SPAG16: variants seen among roughly 807,000 people sequenced by gnomAD.
SPAG16 encodes sperm associated antigen 16, also known as sperm-associated antigen 16 protein.
SPAG16 carries 86 observed loss-of-function variants against 80.4 expected under a neutral mutation model. The ratio of observed to expected loss-of-function variants is 1.07; its 90% confidence interval spans 0.90 to 1.28. The LOEUF is 1.28. Ranked by LOEUF, SPAG16 falls within the 50% of genes most tolerant of loss-of-function variation. The pLI, the probability that SPAG16 is intolerant of heterozygous loss-of-function variation, is 0.00. For synonymous variants in SPAG16, 294 were observed against 265.9 expected, an observed-to-expected ratio of 1.11 and a Z score of -1.03; for missense variants, 870 against 765.3, an observed-to-expected ratio of 1.14 and a Z score of -1.61.
chr2:214,335,251 C>T (rs1317231385), intron 15 of SPAG16, among the ~76,000 whole-genome samples: 2 of 152,024 alleles, frequency 1.3e-5, no homozygotes, highest in Admixed American at 1.3e-4. Context: ...AGTGATAGAG[C>T]CTAGTTGTAG....
chr2:214,348,788 G>C (rs959642952), intron 15 of SPAG16, among the ~76,000 whole-genome samples: 3 of 152,134 alleles, frequency 2.0e-5, no homozygotes, highest in African/African-American at 7.2e-5. Flanking sequence ...ACCGCACCCT[G>C]TCCAAATTGC....
At chr2:213,785,963 C>G (rs1331854120) in intron 10 of SPAG16, among the ~76,000 whole-genome samples, 2 of 151,338 alleles carry the variant, frequency 1.3e-5, no homozygotes, top group East Asian at 3.9e-4. Flanking sequence ...GCCGAGATCA[C>G]ACCATTGCAC....
intron 10 of SPAG16, among the ~76,000 whole-genome samples, chr2:213,622,964 G>A (rs767338846): frequency 1.2e-4 from 18 of 152,164 alleles, no homozygotes; most frequent in Non-Finnish European, 1.2e-4. Context: ...TGGAGTGTGT[G>A]TGAAGAGTAA....
At chr2:214,106,132 A>G (rs1679734035) in intron 13 of SPAG16, among the ~76,000 whole-genome samples, 1 of 152,186 alleles carries the variant, frequency 6.6e-6, no homozygotes, top group Non-Finnish European at 1.5e-5. Context: ...TTTCATTAAT[A>G]CAAAAATATT....
chr2:214,201,317 T>C (rs539872546), intron 15 of SPAG16, among the ~76,000 whole-genome samples: 1 of 152,340 alleles, frequency 6.6e-6, no homozygotes, highest in East Asian at 1.9e-4. Context: ...ATAAACATTT[T>C]AATTTACTTG....
At chr2:213,565,993 T>G (rs894792394) in intron 10 of SPAG16, among the ~76,000 whole-genome samples, 14 of 152,240 alleles carry the variant, frequency 9.2e-5, no homozygotes, top group African/African-American at 2.9e-4. Context: ...CAGGAGAGGA[T>G]TCATTAGCCC....
chr2:213,819,545 GA>G (rs2072796455), intron 10 of SPAG16, among the ~76,000 whole-genome samples: 1 of 151,960 alleles, frequency 6.6e-6, no homozygotes, highest in Non-Finnish European at 1.5e-5. Context: ...CACATTCTTT[GA>G]AAACTTTTTT....
At chr2:214,048,943 C>G (rs2049488711) in intron 13 of SPAG16, among the ~76,000 whole-genome samples, 1 of 141,254 alleles carries the variant, frequency 7.1e-6, no homozygotes. Flanking sequence ...TTCCTTTCTT[C>G]CTTCTCTCCT....
intron 9 of SPAG16, among the ~76,000 whole-genome samples, chr2:213,440,936 A>G (rs917575786): frequency 2.0e-5 from 3 of 152,230 alleles, no homozygotes; most frequent in Non-Finnish European, 2.9e-5. Flanking sequence ...ATCAAATGAC[A>G]CAACTAAGAG....
chr2:214,054,383 CAGAG>C (rs1322622314), intron 13 of SPAG16, among the ~76,000 whole-genome samples: 4 of 152,162 alleles, frequency 2.6e-5, no homozygotes, highest in South Asian at 2.1e-4. Context: ...ATTAAAATCT[CAGAG>C]AGCGTTCATA....
chr2:213,429,623 A>G (rs1034376420), intron 9 of SPAG16, among the ~76,000 whole-genome samples: 4 of 152,174 alleles, frequency 2.6e-5, no homozygotes, highest in Non-Finnish European at 5.9e-5. Context: ...TGCTACCACC[A>G]TCTTCCATGA....
rs1242427208 is a variant in SPAG16 at position 214,046,954 on chromosome 2, AATAAT to A, written c.1527+32882_1527+32886del. On this transcript the variant is annotated intron_variant, in intron 13 of 15. Transcript: ENST00000331683. ...TCCCATTTACATTAGGTACAAATAAAATAATATAACTAGGAATTAACTAAAAAAGT... is the reference window on the plus strand; with the variant it reads ...TCCCATTTACATTAGGTACAAATAAAATAACTAGGAATTAACTAAAAAAGT... Among the ~76,000 whole-genome samples the A allele has an allele frequency of 3.9e-5, 6 of 152,096 alleles. No individual in the cohort carries two copies. The South Asian group carries it at 8.3e-4, about 21-fold the overall frequency.
chr2:214,234,577 C>T (rs1485172357), intron 15 of SPAG16, among the ~76,000 whole-genome samples: 1 of 152,082 alleles, frequency 6.6e-6, no homozygotes, highest in African/African-American at 2.4e-5. Flanking sequence ...TTAATAATAG[C>T]CATTCTGACT....
At chr2:213,941,587 G>A (rs2079201239) in intron 12 of SPAG16, among the ~76,000 whole-genome samples, 1 of 151,948 alleles carries the variant, frequency 6.6e-6, no homozygotes, top group Non-Finnish European at 1.5e-5. Flanking sequence ...GAACATACTG[G>A]GAAAGTAGTA....
At chr2:213,434,388 T>C (rs58767621) in intron 9 of SPAG16, among the ~76,000 whole-genome samples, 14,846 of 152,152 alleles carry the variant, frequency 0.098, 1,893 homozygotes, top group African/African-American at 0.29. Context: ...CTAGGAAAAA[T>C]ACTTCTGGAC....
chr2:214,393,451 AT>A (rs2126131263), intron 15 of SPAG16, among the ~76,000 whole-genome samples: 2 of 152,166 alleles, frequency 1.3e-5, no homozygotes, highest in East Asian at 3.9e-4. Flanking sequence ...AAGGCAAGAT[AT>A]TTATTTAAGT....
At chr2:213,546,644 A>G (rs1348668254) in intron 10 of SPAG16, among the ~76,000 whole-genome samples, 1 of 152,178 alleles carries the variant, frequency 6.6e-6, no homozygotes, top group Non-Finnish European at 1.5e-5. Flanking sequence ...GAAGAAAAAC[A>G]TAGGAGATAT....
At chr2:214,224,405 TGAG>T (rs1321087305) in intron 15 of SPAG16, among the ~76,000 whole-genome samples, 6 of 152,184 alleles carry the variant, frequency 3.9e-5, no homozygotes, top group Admixed American at 3.9e-4. Flanking sequence ...CCATTATGAT[TGAG>T]GTTTATAATT....
chr2:213,956,001 G>A (rs1005635387), intron 12 of SPAG16, among the ~76,000 whole-genome samples: 8 of 150,942 alleles, frequency 5.3e-5, no homozygotes, highest in African/African-American at 9.7e-5. Context: ...ATGGAGTTTC[G>A]CTCTTGTCTC....
Sources: gnomAD v4.1 joint callset for allele counts (sites outside exome capture counted in the v4.1 genomes callset) on GRCh38, gnomAD v4.1.1 for gene constraint, MANE v1.5 for transcripts, NCBI Gene and HGNC (gene_info 2026-07-23, HGNC 2026-07-21) for gene names.